The following SCN9A variants were observed in gnomAD, a reference collection of about 807,000 sequenced individuals.
SCN9A encodes the protein sodium voltage-gated channel alpha subunit 9.
Under a neutral mutation model 187.0 loss-of-function variants are expected in SCN9A, and 131 were observed. The observed-to-expected ratio is 0.70, with a 90% CI of 0.61 to 0.81. SCN9A has a LOEUF of 0.81. SCN9A is among the 30% of genes least tolerant of loss of function. The pLI, the probability that SCN9A is intolerant of heterozygous loss-of-function variation, is 0.00. For synonymous variants in SCN9A, 809 were observed against 808.6 expected, an observed-to-expected ratio of 1.00 and a Z score of -0.01; for missense variants, 2,252 against 2,396.6, an observed-to-expected ratio of 0.94 and a Z score of 1.26.
At chr2:166,274,480 A>G (rs568159868) in intron 16 of SCN9A, among the ~76,000 whole-genome samples, 2 of 152,264 alleles carry the variant, frequency 1.3e-5, no homozygotes, top group African/African-American at 2.4e-5. Flanking sequence ...AACTGGCAAT[A>G]AAATGATCAA....
intron 17 of SCN9A, among the ~76,000 whole-genome samples, chr2:166,264,600 A>G (rs539237835): frequency 4.7e-4 from 72 of 152,050 alleles, no homozygotes; most frequent in African/African-American, 1.7e-3. Flanking sequence ...TTACTGTAAA[A>G]TATTTTGATT....
chr2:166,242,796 T>A, intron 18 of SCN9A, 140 bp from the exon 19 acceptor site: 1 of 585,194 alleles, frequency 1.7e-6, no homozygotes, highest in Non-Finnish European at 2.9e-6. Flanking sequence ...TTCAGATAGA[T>A]TTAATTTGGA....
chr2:166,199,315 C>A lies in SCN9A; in HGVS notation c.5324G>T (p.Ser1775Ile), dbSNP rs1255143930. The change falls in exon 27 of 27, where the codon AGT becomes ATT. Residue 1775 changes from serine to isoleucine, a missense_variant. Physicochemically the swap from Ser to Ile is moderately radical, Grantham distance 142. This residue lies in a region of SCN9A where 345 missense variants were observed against 344.6 expected (regional missense o/e 1.00). Transcript: ENST00000642356. The part of the protein sequence containing the change: ...VATEESTEPL[S>I]EDDFEMFYEV... ...ATAGAACATCTCAAAGTCATCCTCA[C>A]TCAGAGGTTCAGTACTTTCTTCAGT... 2 of 1,614,098 alleles carry A rather than the reference C, an allele frequency of 1.2e-6. No individual in the cohort carries two copies. The highest frequency in any genetic ancestry group is 2.7e-5 in the African/African-American group (2 of 74,932).
intron 14 of SCN9A, among the ~76,000 whole-genome samples, chr2:166,279,300 C>T (rs906278351): frequency 6.6e-6 from 1 of 152,162 alleles, no homozygotes; most frequent in Non-Finnish European, 1.5e-5. Context: ...AAAAGAACTT[C>T]TGGTCTTCAA....
intron 24 of SCN9A, among the ~76,000 whole-genome samples, chr2:166,213,086 A>G (rs1402323348): frequency 6.6e-6 from 1 of 152,148 alleles, no homozygotes; most frequent in Non-Finnish European, 1.5e-5. Flanking sequence ...CTAGAAAAAG[A>G]ACAAACTAAG....
chr2:166,325,870 G>A (rs1449045815), intron 1 of SCN9A, among the ~76,000 whole-genome samples: 1 of 152,038 alleles, frequency 6.6e-6, no homozygotes, highest in African/African-American at 2.4e-5. Context: ...CTTAACCCTG[G>A]TTTATAACTA....
At chr2:166,367,572 G>A (rs1343756582) in intron 1 of SCN9A, among the ~76,000 whole-genome samples, 1 of 151,914 alleles carries the variant, frequency 6.6e-6, no homozygotes, top group Non-Finnish European at 1.5e-5. Context: ...GCCCACCCTA[G>A]ACATTTTATA....
chr2:166,314,468 C>T (rs979947616), intron 1 of SCN9A, among the ~76,000 whole-genome samples: 1 of 152,088 alleles, frequency 6.6e-6, no homozygotes, highest in Non-Finnish European at 1.5e-5. Flanking sequence ...GGTACAGACT[C>T]AAGGGAATTT....
At chr2:166,284,417 G>T in intron 12 of SCN9A, 36 bp downstream of exon 12, 3 of 1,563,374 alleles carry the variant, frequency 1.9e-6, no homozygotes, top group Non-Finnish European at 2.6e-6. Context: ...AGGAACAAGG[G>T]CCCAGCCATG....
Position 166,280,597 on chromosome 2 carries a change from TGGGA to T in SCN9A, c.2105-6_2105-3del. On this transcript the variant is annotated splice_polypyrimidine_tract_variant and splice_region_variant and intron_variant, in intron 13 of 26. Transcript: ENST00000642356. Reference sequence around the variant, plus strand: ...ATTTTTGTCTGGACTCTTCAAGTTCTGGGAGAAAAAAGCAGAGAACATGGAGTCA... The same window carrying T: ...ATTTTTGTCTGGACTCTTCAAGTTCTGAAAAAAGCAGAGAACATGGAGTCA... 3 of 1,549,948 alleles carry T rather than the reference TGGGA, an allele frequency of 1.9e-6. No individual in the cohort carries two copies. Among genetic ancestry groups the T allele is most frequent in the Non-Finnish European group, 2.6e-6 (3 of 1,141,362 alleles).
At position 166,240,610 on chromosome 2, in the gene SCN9A, C is replaced by T. The variant is rs142699771; in HGVS notation, c.3627+1892G>A. Among the ~76,000 whole-genome samples, 591 of 152,274 alleles carry T rather than the reference C, an allele frequency of 3.9e-3. 5 individuals carry two copies. The highest frequency in any genetic ancestry group is 0.014 in the African/African-American group (566 of 41,556). ...CTCCTTAGTTACTAGGAATACATTGCATGGTAGACACTATCATGATTTCTA... is the reference window on the plus strand; with the variant it reads ...CTCCTTAGTTACTAGGAATACATTGTATGGTAGACACTATCATGATTTCTA... On this transcript the variant is annotated intron_variant, in intron 19 of 26. Coordinates refer to ENST00000642356, the MANE Select transcript of SCN9A (RefSeq NM_001365536.1).
intron 26 of SCN9A, among the ~76,000 whole-genome samples, chr2:166,200,624 CT>C (rs1030605338): frequency 5.9e-5 from 9 of 152,052 alleles, no homozygotes; most frequent in Non-Finnish European, 1.2e-4. Flanking sequence ...GTTATATAAG[CT>C]TTTTTTGTAA....
chr2:166,348,159 T>C (rs983153276), intron 1 of SCN9A, among the ~76,000 whole-genome samples: 2 of 152,100 alleles, frequency 1.3e-5, no homozygotes, highest in African/African-American at 4.8e-5. Context: ...AATTAGTTAA[T>C]ATACCACCTT....
chr2:166,213,426 A>G (rs1694179400), intron 24 of SCN9A, among the ~76,000 whole-genome samples: 2 of 149,046 alleles, frequency 1.3e-5, no homozygotes, highest in Non-Finnish European at 3.0e-5. Context: ...CTGAATCATG[A>G]GGAAATAGAA....
At chr2:166,360,249 A>G (rs1700250447) in intron 1 of SCN9A, among the ~76,000 whole-genome samples, 1 of 144,680 alleles carries the variant, frequency 6.9e-6, no homozygotes, top group Non-Finnish European at 1.5e-5. Context: ...AAAAAAAAAA[A>G]GAAATTAAAG....
At chr2:166,211,672 T>G (rs1429184464) in intron 24 of SCN9A, among the ~76,000 whole-genome samples, 1 of 152,044 alleles carries the variant, frequency 6.6e-6, no homozygotes, top group East Asian at 1.9e-4. Flanking sequence ...AAGTGAAGAT[T>G]TTTGATATAT....
At chr2:166,325,143 G>A (rs1280310872) in intron 1 of SCN9A, among the ~76,000 whole-genome samples, 3 of 152,014 alleles carry the variant, frequency 2.0e-5, no homozygotes, top group African/African-American at 7.2e-5. Flanking sequence ...GGAAATCACA[G>A]ATGTAGAATT....
intron 5 of SCN9A, 48 bp from the exon 6 acceptor site, chr2:166,304,377 T>C (rs753243305): frequency 2.0e-6 from 3 of 1,505,740 alleles, no homozygotes; most frequent in African/African-American, 1.4e-5. Context: ...GAGTCTATGA[T>C]ACTTACCTGA....
At position 166,361,358 on chromosome 2, in the gene SCN9A, G is replaced by A. The variant is rs1276304941; in HGVS notation, c.-51+14339C>T. 6.6e-5 allele frequency among the ~76,000 whole-genome samples: 10 copies of A among 152,138 alleles called. No individual in the cohort carries two copies. In the East Asian group the frequency reaches 1.9e-3, roughly 29 times the overall value. On this transcript the variant is annotated intron_variant, in intron 1 of 26. Coordinates refer to ENST00000642356, the MANE Select transcript of SCN9A (RefSeq NM_001365536.1). ...ATACAAAACCTTTTCTTCTTAGGGA[G>A]CTTTCAACTCAGAATATTTTAAAGA...
Sources: gnomAD v4.1 joint callset for allele counts (sites outside exome capture counted in the v4.1 genomes callset) on GRCh38, gnomAD v4.1.1 for gene constraint, gnomAD v4.1.1 regional missense constraint, MANE v1.5 for transcripts, NCBI Gene and HGNC (gene_info 2026-07-23, HGNC 2026-07-21) for gene names.